TMIE: variants seen among roughly 807,000 people sequenced by gnomAD.
TMIE encodes the protein transmembrane inner ear.
A neutral mutation model predicts 16.8 loss-of-function variants in TMIE; 14 were observed. The ratio of observed to expected loss-of-function variants is 0.83; its 90% CI spans 0.55 to 1.30. The LOEUF is 1.30. Ranked by LOEUF, TMIE falls within the 50% of genes most tolerant of loss-of-function variation. The pLI is 0.00. For synonymous variants in TMIE, 75 were observed against 87.2 expected (o/e 0.86, Z 0.78); for missense variants, 204 against 205.9 (o/e 0.99, Z 0.06).
chr3:46,709,372 C>T (rs1700592353), intron 3 of TMIE, 97 bp downstream of exon 3: 9 of 1,604,286 alleles, frequency 5.6e-6, no homozygotes, highest in Non-Finnish European at 7.7e-6. Flanking sequence ...AAAGCAGGTT[C>T]AGGGAGGGGC....
chr3:46,700,479 C>T (rs1386742900), upstream of TMIE, among the ~76,000 whole-genome samples: 1 of 152,008 alleles, frequency 6.6e-6, no homozygotes. Flanking sequence ...GATAAGGGTT[C>T]CAGGGGCCCA....
exon 1 of TMIE, chr3:46,694,546 C>T (rs1031916908): frequency 1.3e-5 from 2 of 152,298 alleles, no homozygotes; most frequent in African/African-American, 4.8e-5. Context: ...CCCACCAGCC[C>T]CCTACTCAGC....
At chr3:46,709,324 C>T in intron 3 of TMIE, 49 bp downstream of exon 3, 2 of 1,612,936 alleles carry the variant, frequency 1.2e-6, no homozygotes, top group Non-Finnish European at 1.7e-6. Context: ...GTTCCTCAGT[C>T]CTGCTGCCTG....
chr3:46,696,654 G>A (rs762015130), upstream of TMIE, among the ~76,000 whole-genome samples: 10 of 152,142 alleles, frequency 6.6e-5, no homozygotes, highest in Non-Finnish European at 7.4e-5. Context: ...TAAGCCCTGG[G>A]ATTTCAGGCT....
chr3:46,697,512 C>G (rs1000033865), upstream of TMIE, among the ~76,000 whole-genome samples: 2 of 152,154 alleles, frequency 1.3e-5, no homozygotes, highest in African/African-American at 4.8e-5. Context: ...TCCTCCATAT[C>G]TCGCCCTATG....
chr3:46,700,415 C>A (rs1700455698), upstream of TMIE, among the ~76,000 whole-genome samples: 2 of 152,210 alleles, frequency 1.3e-5, no homozygotes, highest in Admixed American at 6.5e-5. Context: ...GTTCTCAGGG[C>A]AGGCCTTGCT....
rs2106775970 is a variant in TMIE at position 46,701,710 on chromosome 3, G to A, written c.93+130G>A. 2.7e-6 allele frequency: 2 copies of A among 752,096 alleles called. No individual in the cohort carries two copies. Among genetic ancestry groups the A allele is most frequent in the Non-Finnish European group, 1.8e-6 (1 of 547,364 alleles). The allele number at this position is 752,096 out of a possible 1,614,324, so 46.6% of individuals were successfully genotyped here. A position where few individuals can be genotyped will look rare whatever the true frequency, so the allele number is the denominator to read the frequency against. On this transcript the variant is annotated intron_variant, in intron 1 of 3. Transcript: ENST00000643606. This position sits in a 1 kb window ranked among gnomAD's most constrained non-coding sequence, Gnocchi z 4.3. ...CTTGCCCTGAGAGATCCAGTCTCCCGGGCGATGCAGCCCTGCCCCAAGCCC... is the reference window on the plus strand; with the variant it reads ...CTTGCCCTGAGAGATCCAGTCTCCCAGGCGATGCAGCCCTGCCCCAAGCCC...
Position 46,701,400 on chromosome 3 carries a change from G to T in TMIE, c.-88G>T. Reference sequence around the variant, plus strand: ...CGCTGACTACCCGTGGCCAAAGCCCGTGGCCACCGAGCGCCGGCTGGCAGG... The same window carrying T: ...CGCTGACTACCCGTGGCCAAAGCCCTTGGCCACCGAGCGCCGGCTGGCAGG... On this transcript the variant is annotated 5_prime_UTR_variant, in exon 1 of 4. Transcript: ENST00000643606. The surrounding 1 kb of genome is among the most constrained non-coding windows in gnomAD (Gnocchi z 4.3). 9.0e-7 allele frequency: 1 copy of T among 1,115,142 alleles called. No individual in the cohort carries two copies. Among genetic ancestry groups the T allele is most frequent in the Non-Finnish European group, 1.2e-6 (1 of 813,108 alleles). The allele number at this position is 1,115,142 out of a possible 1,614,324, so 69.1% of individuals were successfully genotyped here.
At chr3:46,706,058 C>A (rs1003830077) in intron 2 of TMIE, 151 bp downstream of exon 2, 2 of 827,306 alleles carry the variant, frequency 2.4e-6, no homozygotes, top group African/African-American at 1.7e-5. Flanking sequence ...CCTCCTGATC[C>A]ACACAAACTC....
chr3:46,710,255 A>AGAGGTGGC lies in TMIE; in HGVS notation c.*568_*575dup, dbSNP rs1251295084. 1 of 184,322 alleles carries AGAGGTGGC rather than the reference A, an allele frequency of 5.4e-6. No homozygotes were observed. The highest frequency in any genetic ancestry group is 1.2e-5 in the Non-Finnish European group (1 of 86,582). The allele number at this position is 184,322 out of a possible 1,614,324, so 11.4% of individuals were successfully genotyped here. A position where few individuals can be genotyped will look rare whatever the true frequency, so the allele number is the denominator to read the frequency against. On this transcript the variant is annotated 3_prime_UTR_variant, in exon 4 of 4. Coordinates refer to ENST00000643606, the MANE Select transcript of TMIE (RefSeq NM_147196.3). ...GGGGATCCAGCTCAAGGGAGTAAGT[A>AGAGGTGGC]GAGGTGGCTTCAGAAATGGAACCCC...
upstream of TMIE, among the ~76,000 whole-genome samples, chr3:46,697,409 C>A (rs1700420622): frequency 6.6e-6 from 1 of 152,234 alleles, no homozygotes; most frequent in Non-Finnish European, 1.5e-5. Context: ...CCTCCATAAA[C>A]CCCAAGAGGA....
upstream of TMIE, chr3:46,694,420 A>C (rs1700351205): frequency 6.6e-6 from 1 of 152,398 alleles, no homozygotes; most frequent in Non-Finnish European, 1.5e-5. Flanking sequence ...CCCCGTCAGC[A>C]GCCTGATTCC....
intron 1 of TMIE, among the ~76,000 whole-genome samples, chr3:46,704,314 A>G (rs1210578927): frequency 1.5e-5 from 2 of 134,352 alleles, no homozygotes; most frequent in African/African-American, 5.7e-5. Context: ...GGGCAGGACC[A>G]TGTCCCTAGA....
At chr3:46,699,824 A>G (rs955447724), upstream of TMIE, among the ~76,000 whole-genome samples, 12 of 152,336 alleles carry the variant, frequency 7.9e-5, no homozygotes, top group African/African-American at 2.9e-4. Flanking sequence ...CTGTCCTGCT[A>G]AGGAGAGCCA....
intron 2 of TMIE, 61 bp from the exon 3 acceptor site, chr3:46,709,065 A>T: frequency 6.2e-7 from 1 of 1,603,982 alleles, no homozygotes; most frequent in South Asian, 1.1e-5. Context: ...AGGAAGGCGG[A>T]TGCCATTCCT....
At chr3:46,709,311 C>T in intron 3 of TMIE, 36 bp downstream of exon 3, 4 of 1,613,620 alleles carry the variant, frequency 2.5e-6, no homozygotes, top group Non-Finnish European at 3.4e-6. Context: ...GCTGCGCCAG[C>T]CAGTTCCTCA....
intron 1 of TMIE, among the ~76,000 whole-genome samples, chr3:46,704,664 AG>A (rs1386811723): frequency 7.1e-6 from 1 of 140,084 alleles, no homozygotes; most frequent in African/African-American, 2.8e-5. Context: ...ACCCAGGGCC[AG>A]GGTCATGTCC....
chr3:46,702,903 C>G (rs1328898966), intron 1 of TMIE, among the ~76,000 whole-genome samples: 2 of 152,104 alleles, frequency 1.3e-5, no homozygotes, highest in African/African-American at 4.8e-5. Flanking sequence ...ACAGGCTGCC[C>G]TGAGGCCTGG....
upstream of TMIE, among the ~76,000 whole-genome samples, chr3:46,696,705 C>A (rs779320986): frequency 6.6e-6 from 1 of 152,206 alleles, no homozygotes; most frequent in Non-Finnish European, 1.5e-5. Flanking sequence ...GCCACTACCC[C>A]CTGCCTTGCT....
Sources: allele counts gnomAD v4.1 joint callset (sites outside exome capture counted in the v4.1 genomes callset), GRCh38; gene constraint gnomAD v4.1.1; non-coding constraint Gnocchi (gnomAD v3.1); transcripts MANE v1.5; gene names NCBI Gene and HGNC (gene_info 2026-07-23, HGNC 2026-07-21).